The following NIPBL variants were observed in gnomAD, a reference collection of about 807,000 sequenced individuals.
NIPBL encodes nipped-B-like protein.
In NIPBL, 19 loss-of-function variants were observed where a neutral mutation model predicts 321.8. The ratio of observed to expected loss-of-function variants is 0.06; its 90% CI spans 0.04 to 0.09. The LOEUF is 0.09. Among genes scored for constraint, NIPBL ranks in the 10% least tolerant of loss-of-function variants. The pLI, the probability that NIPBL is intolerant of heterozygous loss-of-function variation, is 1.00. For synonymous variants in NIPBL, 1,106 were observed against 1,114.1 expected (o/e 0.99, Z 0.14); for missense variants, 2,210 against 3,327.0 (o/e 0.66, Z 8.26).
At position 36,985,168 on chromosome 5, in the gene NIPBL, A is replaced by C. The variant is rs149892167; in HGVS notation, c.1988A>C (p.Gln663Pro). ...QNESRTTECK[Q>P]NESTIVEPKQ... ...GAGAGCAGAACAACTGAATGCAAAC[A>C]AAACGAGAGCACCATAGTTGAGCCT... is the stretch of plus-strand genomic sequence containing the variant. Residue 663 changes from glutamine (Q) to proline (P), a missense_variant, in exon 10 of 47, where the codon CAA becomes CCA. Physicochemically the swap from Gln to Pro is moderately conservative, Grantham distance 76 (BLOSUM62 -1). Transcript: ENST00000282516. The C allele has an allele frequency of 5.0e-6, 8 of 1,613,890 alleles. No homozygotes were observed. In the African/African-American group the frequency reaches 1.1e-4, roughly 22 times the overall value.
intron 1 of NIPBL, among the ~76,000 whole-genome samples, chr5:36,947,768 A>G (rs1268746663): frequency 6.6e-6 from 1 of 151,976 alleles, no homozygotes; most frequent in East Asian, 1.9e-4. Context: ...CAAGGAGTAC[A>G]GATAGAAATA....
intron 10 of NIPBL, among the ~76,000 whole-genome samples, chr5:36,987,883 A>T (rs906083019): frequency 6.6e-6 from 1 of 152,166 alleles, no homozygotes. Context: ...TAACACCACA[A>T]TTGTTTTCTT....
chr5:36,901,499 C>G (rs1352484864), intron 1 of NIPBL, among the ~76,000 whole-genome samples: 1 of 116,034 alleles, frequency 8.6e-6, no homozygotes, highest in Non-Finnish European at 1.6e-5. Context: ...CCTTCTAAGT[C>G]CTTTTTTTTT....
chr5:37,003,736 T>C (rs1162958924), intron 16 of NIPBL, among the ~76,000 whole-genome samples: 1 of 152,196 alleles, frequency 6.6e-6, no homozygotes, highest in African/African-American at 2.4e-5. Flanking sequence ...TTGAGCATGT[T>C]ACCATGAATT....
intron 1 of NIPBL, among the ~76,000 whole-genome samples, chr5:36,921,321 A>G (rs1173319827): frequency 2.0e-5 from 3 of 152,210 alleles, no homozygotes; most frequent in Non-Finnish European, 4.4e-5. Flanking sequence ...AACTAGTAAA[A>G]TTATCATTAG....
At chr5:37,061,339 C>G (rs185850816) in intron 45 of NIPBL, among the ~76,000 whole-genome samples, 54 of 152,184 alleles carry the variant, frequency 3.5e-4, no homozygotes, top group African/African-American at 1.3e-3. Flanking sequence ...TTCCAGTCCC[C>G]CCATGGATAC....
At chr5:36,961,688 A>T in intron 5 of NIPBL, 105 bp downstream of exon 5, 1 of 813,582 alleles carries the variant, frequency 1.2e-6, no homozygotes, top group East Asian at 2.6e-5. Flanking sequence ...TTAGAGTTTA[A>T]ATAGTTGAAA....
intron 39 of NIPBL, 27 bp from the exon 40 acceptor site, chr5:37,049,084 G>A (rs574349911): frequency 4.3e-6 from 7 of 1,610,424 alleles, no homozygotes; most frequent in Non-Finnish European, 5.9e-6. Flanking sequence ...CTCTTAATGT[G>A]TGTTTATCCT....
In NIPBL at chr5:37,049,107, G is replaced by GT; in HGVS notation, c.6764-3dup. On this transcript the variant is annotated splice_region_variant and splice_polypyrimidine_tract_variant and intron_variant, in intron 39 of 46. Transcript: ENST00000282516. ...GTGTGTTTATCCTTTGCTTGCTTTT[G>GT]TAGGGAAGAAAGTTGCAAAACAGGA... is the stretch of plus-strand genomic sequence containing the variant. 1 of 1,613,956 alleles carries GT rather than the reference G, an allele frequency of 6.2e-7. No homozygotes were observed. The highest frequency in any genetic ancestry group is 1.1e-5 in the South Asian group (1 of 91,060).
In NIPBL at chr5:36,985,115, G is replaced by A. The variant is rs1469723076; in HGVS notation, c.1935G>A (p.Glu645=). The change falls in exon 10 of 47, where the codon GAG becomes GAA. Residue 645 remains glutamate, a synonymous_variant. Coordinates refer to ENST00000282516, the MANE Select transcript of NIPBL (RefSeq NM_133433.4). ...SSENKLETKV[E]TQTEELKQNE... is the part of the protein sequence containing the mutation. ...AAAATAAGTTAGAAACTAAAGTTGAGACCCAAACAGAAGAACTTAAACAGA... is the reference window on the plus strand; with the variant it reads ...AAAATAAGTTAGAAACTAAAGTTGAAACCCAAACAGAAGAACTTAAACAGA... 1 of 1,613,686 alleles carries A rather than the reference G, an allele frequency of 6.2e-7. No homozygotes were observed. The highest frequency in any genetic ancestry group is 8.5e-7 in the Non-Finnish European group (1 of 1,179,912).
chr5:36,956,189 C>T (rs535007203), intron 3 of NIPBL, among the ~76,000 whole-genome samples: 1 of 152,108 alleles, frequency 6.6e-6, no homozygotes, highest in Non-Finnish European at 1.5e-5. Flanking sequence ...CGAGATCACG[C>T]CACTGCACTC....
intron 32 of NIPBL, among the ~76,000 whole-genome samples, chr5:37,031,905 C>T (rs975971497): frequency 5.9e-5 from 9 of 152,190 alleles, no homozygotes; most frequent in African/African-American, 2.2e-4. Context: ...TAAAACTAAT[C>T]TATACTGGAA....
At chr5:37,031,754 T>TA (rs1751047714) in intron 32 of NIPBL, among the ~76,000 whole-genome samples, 1 of 152,206 alleles carries the variant, frequency 6.6e-6, no homozygotes, top group Admixed American at 6.5e-5. Context: ...TGCAATTTAA[T>TA]AGTACTCCAC....
At position 37,026,321 on chromosome 5, in the gene NIPBL, C is replaced by G; in HGVS notation, c.5802C>G (p.Thr1934=). 1 of 1,594,230 alleles carries G rather than the reference C, an allele frequency of 6.3e-7. No individual in the cohort carries two copies. The highest frequency in any genetic ancestry group is 8.6e-7 in the Non-Finnish European group (1 of 1,162,810). Reference sequence around the variant, plus strand: ...TGACAAGGAAAATTTTAAACATTACCGATGTGGTAAGAAGGACTGGAACAA... The same window carrying G: ...TGACAAGGAAAATTTTAAACATTACGGATGTGGTAAGAAGGACTGGAACAA... ...EAMTRKILNI[T]DVVAACRDTG... The change falls in exon 31 of 47, where the codon ACC becomes ACG. Residue 1934 remains threonine, a synonymous_variant. Transcript: ENST00000282516.
intron 1 of NIPBL, among the ~76,000 whole-genome samples, chr5:36,925,796 T>C (rs2149565009): frequency 6.6e-6 from 1 of 152,312 alleles, no homozygotes; most frequent in East Asian, 1.9e-4. Context: ...ACAGTTCCCA[T>C]TGTCTGTTCA....
chr5:36,911,249 C>T (rs185459109), intron 1 of NIPBL, among the ~76,000 whole-genome samples: 5 of 152,282 alleles, frequency 3.3e-5, no homozygotes, highest in Admixed American at 3.3e-4. Context: ...TATCACCTTT[C>T]TCCCTTTGAG....
At chr5:36,924,994 G>T (rs1276317820) in intron 1 of NIPBL, among the ~76,000 whole-genome samples, 1 of 152,040 alleles carries the variant, frequency 6.6e-6, no homozygotes, top group East Asian at 1.9e-4. Context: ...TATTTTTAAA[G>T]GAAAATATTT....
At chr5:36,911,591 G>A (rs1748055730) in intron 1 of NIPBL, among the ~76,000 whole-genome samples, 1 of 152,034 alleles carries the variant, frequency 6.6e-6, no homozygotes, top group Admixed American at 6.6e-5. Context: ...TTCTATACTA[G>A]AAACTCTTCC....
intron 34 of NIPBL, among the ~76,000 whole-genome samples, chr5:37,040,807 C>T (rs1752254129): frequency 6.6e-6 from 1 of 152,084 alleles, no homozygotes; most frequent in Non-Finnish European, 1.5e-5. Context: ...TTTATACAAC[C>T]TTTTGGAAAG....
Sources: gnomAD v4.1 joint callset for allele counts (sites outside exome capture counted in the v4.1 genomes callset) on GRCh38, gnomAD v4.1.1 for gene constraint, MANE v1.5 for transcripts, NCBI Gene and HGNC (gene_info 2026-07-23, HGNC 2026-07-21) for gene names.